CNPY3: variants seen among roughly 807,000 people sequenced by gnomAD.
The protein encoded by CNPY3 is protein canopy homolog 3.
Under a neutral mutation model 32.0 loss-of-function variants are expected in CNPY3, and 20 were observed. The observed-to-expected ratio is 0.63, with a 90% confidence interval of 0.44 to 0.91. The LOEUF (loss-of-function observed/expected upper bound fraction) is 0.91. Ranked by LOEUF, CNPY3 falls within the 40% of genes least tolerant of loss-of-function variation. The pLI is 0.00. For missense variants in CNPY3, 299 were observed against 340.8 expected (o/e 0.88, Z 0.97); for synonymous variants, 138 against 142.9 (o/e 0.97, Z 0.24).
chr6:42,938,615 C>CT lies in CNPY3; in HGVS notation c.662dup (p.Gly223ArgfsTer19). 6.2e-7 allele frequency: 1 copy of CT among 1,607,952 alleles called. No homozygotes were observed. ...CGGCAAGAAGGGAGACACAGCTGCC[C>CT]TGGGAGGGAAGAAGTCCAAGAAGAA... is the stretch of plus-strand genomic sequence containing the variant. On this transcript the variant is annotated frameshift_variant, in exon 6 of 6. Coordinates refer to ENST00000372836, the MANE Select transcript of CNPY3 (RefSeq NM_006586.5). LOFTEE classifies it high-confidence loss of function.
rs111827660 is a variant in CNPY3, at chr6:42,933,133, A to G, written c.152-1342A>G. On this transcript the variant is annotated intron_variant, in intron 1 of 5. Transcript: ENST00000372836. Reference sequence around the variant, plus strand: ...AGAGGCCCAGAGTGAAATCTAGAGCAATTGGCATTAGTGCAGAATGGCTTC... The same window carrying G: ...AGAGGCCCAGAGTGAAATCTAGAGCGATTGGCATTAGTGCAGAATGGCTTC... Among the ~76,000 whole-genome samples the G allele has an allele frequency of 1.8e-3, 268 of 152,312 alleles. 1 individual carries two copies. The highest frequency in any genetic ancestry group is 5.8e-3 in the African/African-American group (243 of 41,570).
At chr6:42,938,521 C>A (rs1220927883) in intron 5 of CNPY3, 47 bp from the exon 6 acceptor site, 17 of 1,526,170 alleles carry the variant, frequency 1.1e-5, no homozygotes, top group Non-Finnish European at 1.4e-5. Flanking sequence ...CCCAGCACCC[C>A]AGCCCTGAGG....
intron 3 of CNPY3, 131 bp from the exon 4 acceptor site, chr6:42,937,586 A>G: frequency 1.0e-6 from 1 of 980,632 alleles, no homozygotes; most frequent in South Asian, 1.6e-5. Flanking sequence ...CCTTCTCAAA[A>G]AAAAAAGGAT....
At chr6:42,934,229 C>T (rs987193915) in intron 1 of CNPY3, among the ~76,000 whole-genome samples, 1 of 151,860 alleles carries the variant, frequency 6.6e-6, no homozygotes, top group African/African-American at 2.4e-5. Context: ...ACACAAGAAA[C>T]AGTAGATAAA....
At chr6:42,937,325 A>T (rs1768303723) in intron 3 of CNPY3, among the ~76,000 whole-genome samples, 1 of 152,116 alleles carries the variant, frequency 6.6e-6, no homozygotes, top group African/African-American at 2.4e-5. Flanking sequence ...GGATGAGGCC[A>T]GGTGCGGTGG....
rs776157697 is a variant in CNPY3, at chr6:42,934,645, G to C, written c.275+47G>C. The C allele has an allele frequency of 1.9e-6, 3 of 1,609,412 alleles. No individual in the cohort carries two copies. In the Admixed American group the frequency reaches 5.0e-5, roughly 27 times the overall value. ...GGCCTGGCCTGCGTTGCTGCTGGAG[G>C]CTTCAGGGGTTTGGAGTTCCCTTCT... On this transcript the variant is annotated intron_variant, in intron 2 of 5. Transcript: ENST00000372836.
At chr6:42,929,851 G>C (rs1581697547) in intron 1 of CNPY3, 130 bp downstream of exon 1, 9 of 1,085,288 alleles carry the variant, frequency 8.3e-6, no homozygotes, top group Non-Finnish European at 1.2e-5. Flanking sequence ...GAACAGGCTT[G>C]CGCCGGGACG....
At chr6:42,937,561 C>T (rs114134741) in intron 3 of CNPY3, among the ~76,000 whole-genome samples, 156 bp from the exon 4 acceptor site, 3,356 of 151,498 alleles carry the variant, frequency 0.022, 123 homozygotes, top group African/African-American at 0.078. Flanking sequence ...CCAACCTGGG[C>T]GACAGAGTGA....
chr6:42,934,114 T>C (rs950282025), intron 1 of CNPY3, among the ~76,000 whole-genome samples: 2 of 151,720 alleles, frequency 1.3e-5, no homozygotes, highest in Admixed American at 6.6e-5. Context: ...ATCTCATCAT[T>C]GTACTCTAGC....
Position 42,939,145 on chromosome 6 carries a change from C to T in CNPY3, c.*354C>T, listed in dbSNP as rs41274884. On this transcript the variant is annotated 3_prime_UTR_variant, in exon 6 of 6. Coordinates refer to ENST00000372836, the MANE Select transcript of CNPY3 (RefSeq NM_006586.5). ...AAACTCACCATCCCTCAGTCCTCCCCAACAGGGTACTAGGACTGCAGCCCC... is the reference window on the plus strand; with the variant it reads ...AAACTCACCATCCCTCAGTCCTCCCTAACAGGGTACTAGGACTGCAGCCCC... 1.9e-5 allele frequency: 21 copies of T among 1,081,482 alleles called. No homozygotes were observed. The highest frequency in any genetic ancestry group is 2.1e-5 in the Non-Finnish European group (19 of 891,162). 67.0% of individuals were successfully genotyped at this position (1,081,482 alleles called of 1,614,324 possible).
At position 42,937,772 on chromosome 6, in the gene CNPY3, T is replaced by C; in HGVS notation, c.428T>C (p.Val143Ala). 6.2e-7 allele frequency: 1 copy of C among 1,613,992 alleles called. No individual in the cohort carries two copies. The highest frequency in any genetic ancestry group is 8.5e-7 in the Non-Finnish European group (1 of 1,179,962). The part of the protein sequence containing the change: ...LHNLVHKGVK[V>A]VMDIPYELWN... ...AACCTGGTACACAAAGGGGTCAAGGTGGTGATGGACATCCCCTATGAGCTG... is the reference window on the plus strand; with the variant it reads ...AACCTGGTACACAAAGGGGTCAAGGCGGTGATGGACATCCCCTATGAGCTG... Residue 143 changes from valine to alanine, a missense_variant, in exon 4 of 6, where the codon GTG (valine) becomes GCG (alanine). Val to Ala is a moderately conservative substitution (Grantham distance 64). This residue lies in a region of CNPY3 where 211 missense variants were observed against 278.3 expected (regional missense o/e 0.76). Coordinates refer to ENST00000372836, the MANE Select transcript of CNPY3 (RefSeq NM_006586.5).
chr6:42,929,061 C>T (rs1767545366), upstream of CNPY3: 1 of 153,472 alleles, frequency 6.5e-6, no homozygotes, highest in Non-Finnish European at 1.5e-5. Context: ...AATTTAAAAA[C>T]AGATGTTCAG....
intron 5 of CNPY3, 65 bp from the exon 6 acceptor site, chr6:42,938,503 G>A (rs116255295): frequency 0.25 from 361,618 of 1,444,876 alleles, 47,761 homozygotes; most frequent in African/African-American, 0.35. Flanking sequence ...CCTGCTCAGT[G>A]CTCCTTGCCC....
At chr6:42,934,375 C>T in intron 1 of CNPY3, 100 bp from the exon 2 acceptor site, 1 of 1,483,124 alleles carries the variant, frequency 6.7e-7, no homozygotes. Flanking sequence ...TTTGGTCCTC[C>T]AGTCTAGGAA....
In CNPY3 at chr6:42,938,146, C is replaced by T; in HGVS notation, c.552C>T (p.His184=). 6.2e-7 allele frequency: 1 copy of T among 1,614,110 alleles called. No homozygotes were observed. Among genetic ancestry groups the T allele is most frequent in the Non-Finnish European group, 8.5e-7 (1 of 1,180,004 alleles). The part of the protein sequence containing the change: ...EEVIEDWYRN[H]QEEDLTEFLC... ...TGATCGAGGACTGGTACAGGAACCACCAGGAGGAAGACCTGACTGAATTCC... is the reference window on the plus strand; with the variant it reads ...TGATCGAGGACTGGTACAGGAACCATCAGGAGGAAGACCTGACTGAATTCC... The change falls in exon 5 of 6, where the codon CAC becomes CAT. Residue 184 remains histidine, a synonymous_variant. Transcript: ENST00000372836.
upstream of CNPY3, among the ~76,000 whole-genome samples, chr6:42,928,254 T>C (rs1334244005): frequency 6.6e-6 from 1 of 152,184 alleles, no homozygotes; most frequent in African/African-American, 2.4e-5. Context: ...TCCAAAGTGC[T>C]GGAATTATAG....
intron 1 of CNPY3, 71 bp downstream of exon 1, chr6:42,929,792 G>C: frequency 1.4e-6 from 2 of 1,475,454 alleles, no homozygotes; most frequent in Non-Finnish European, 1.8e-6. Flanking sequence ...TTGCGGAGCA[G>C]CGTCGGGGGT....
chr6:42,931,965 C>A (rs1767858320), intron 1 of CNPY3, among the ~76,000 whole-genome samples: 1 of 152,124 alleles, frequency 6.6e-6, no homozygotes, highest in African/African-American at 2.4e-5. Context: ...TCAGGTGATC[C>A]TCCCACCTCA....
intron 3 of CNPY3, among the ~76,000 whole-genome samples, chr6:42,936,469 G>A (rs1768241135): frequency 6.6e-6 from 1 of 152,196 alleles, no homozygotes; most frequent in Non-Finnish European, 1.5e-5. Context: ...GGACTAGTAT[G>A]CGGCTGGAAA....
Sources: allele counts gnomAD v4.1 joint callset (sites outside exome capture counted in the v4.1 genomes callset), GRCh38; gene constraint gnomAD v4.1.1; regional missense constraint gnomAD v4.1.1; transcripts MANE v1.5; gene names NCBI Gene and HGNC (gene_info 2026-07-23, HGNC 2026-07-21).